NXPE2: variants seen among roughly 807,000 people sequenced by gnomAD.
The protein encoded by NXPE2 is neurexophilin and PC-esterase domain family member 2, also known as NXPE family member 2.
In NXPE2, 34 loss-of-function variants were observed where a neutral mutation model predicts 34.4. The ratio of observed to expected loss-of-function variants is 0.99; its 90% CI spans 0.75 to 1.31. The LOEUF is 1.31. NXPE2 is among the 40% of genes most tolerant of loss of function. The pLI is 0.00. For synonymous variants in NXPE2, 235 were observed against 231.3 expected, an observed-to-expected ratio of 1.02 and a Z score of -0.15; for missense variants, 649 against 672.5, an observed-to-expected ratio of 0.97 and a Z score of 0.39.
At chr11:114,777,577 A>G in the NXPE2 span, among the ~76,000 whole-genome samples, 1 of 152,136 alleles carries the variant, frequency 6.6e-6, no homozygotes, top group Admixed American at 6.5e-5. Flanking sequence ...AGGCATTTCC[A>G]TGAGTTGGAG....
the NXPE2 span, among the ~76,000 whole-genome samples, chr11:114,466,807 GCCTTT>G: frequency 7.2e-6 from 1 of 139,798 alleles, no homozygotes; most frequent in East Asian, 2.3e-4. Context: ...AATATTCCCA[GCCTTT>G]TCTTCTTATT....
chr11:114,549,506 A>G, the NXPE2 span, among the ~76,000 whole-genome samples: 1 of 152,082 alleles, frequency 6.6e-6, no homozygotes, highest in South Asian at 2.1e-4. Context: ...GATTATCTTC[A>G]TAAAAGCACA....
At chr11:114,767,860 G>A in the NXPE2 span, among the ~76,000 whole-genome samples, 2 of 152,136 alleles carry the variant, frequency 1.3e-5, no homozygotes, top group Non-Finnish European at 2.9e-5. Context: ...GTAGTGTAGT[G>A]GTTACAGCTT....
At chr11:114,764,316 A>C in the NXPE2 span, among the ~76,000 whole-genome samples, 2 of 152,178 alleles carry the variant, frequency 1.3e-5, no homozygotes, top group African/African-American at 2.4e-5. Flanking sequence ...TTTGGGCATG[A>C]TAGTAGTATT....
At chr11:114,576,584 A>T in the NXPE2 span, among the ~76,000 whole-genome samples, 1 of 152,152 alleles carries the variant, frequency 6.6e-6, no homozygotes, top group African/African-American at 2.4e-5. Flanking sequence ...TGGTGAACAA[A>T]CATATGGAAA....
chr11:114,580,051 T>C, the NXPE2 span: 1 of 1,198,358 alleles, frequency 8.3e-7, no homozygotes, highest in Middle Eastern at 2.0e-4. Flanking sequence ...AAAGAGGAAT[T>C]TCCCATATTC....
chr11:114,640,090 TATA>T, the NXPE2 span, among the ~76,000 whole-genome samples: 3 of 92,546 alleles, frequency 3.2e-5, no homozygotes, highest in Non-Finnish European at 6.4e-5. Context: ...TATAATGTAA[TATA>T]ATATATGATT....
chr11:114,628,520 A>T, the NXPE2 span, among the ~76,000 whole-genome samples: 1 of 151,916 alleles, frequency 6.6e-6, no homozygotes, highest in Admixed American at 6.6e-5. Flanking sequence ...CATTCAAAGC[A>T]GTGTGTAGAG....
the NXPE2 span, among the ~76,000 whole-genome samples, chr11:114,627,297 C>A: frequency 6.6e-6 from 1 of 152,076 alleles, no homozygotes; most frequent in Non-Finnish European, 1.5e-5. Flanking sequence ...CAAAGGGAAG[C>A]CCATCAGACT....
At chr11:114,623,123 G>A in the NXPE2 span, among the ~76,000 whole-genome samples, 10 of 151,932 alleles carry the variant, frequency 6.6e-5, no homozygotes, top group South Asian at 4.2e-4. Flanking sequence ...ACTGTTACCC[G>A]GTGGATAATA....
intron 5 of NXPE2, among the ~76,000 whole-genome samples, 185 bp downstream of exon 5, chr11:114,706,181 C>A (rs1246680287): frequency 6.6e-6 from 1 of 151,376 alleles, no homozygotes; most frequent in Non-Finnish European, 1.5e-5. Flanking sequence ...TTTTCATTCA[C>A]AAATGTTAAT....
At chr11:114,525,979 T>C in the NXPE2 span, among the ~76,000 whole-genome samples, 3 of 152,154 alleles carry the variant, frequency 2.0e-5, no homozygotes, top group African/African-American at 7.2e-5. Flanking sequence ...GGTATGGCCT[T>C]TGAGATGGAG....
chr11:114,660,468 A>G, the NXPE2 span, among the ~76,000 whole-genome samples: 2 of 152,040 alleles, frequency 1.3e-5, no homozygotes, highest in African/African-American at 4.8e-5. Context: ...TTGAAGATCA[A>G]TCAATCAAAG....
At chr11:114,562,348 A>C in the NXPE2 span, among the ~76,000 whole-genome samples, 25 of 152,210 alleles carry the variant, frequency 1.6e-4, no homozygotes, top group Non-Finnish European at 5.9e-5. Context: ...GGGATTATGC[A>C]CAGCACTGCT....
the NXPE2 span, among the ~76,000 whole-genome samples, chr11:114,499,610 A>G: frequency 6.6e-6 from 1 of 152,164 alleles, no homozygotes. Flanking sequence ...GTACAATTAG[A>G]TGAATTTTTT....
the NXPE2 span, among the ~76,000 whole-genome samples, chr11:114,668,729 T>C: frequency 2.6e-5 from 4 of 151,892 alleles, no homozygotes; most frequent in Non-Finnish European, 5.9e-5. Flanking sequence ...TAAGTTACTG[T>C]TAATCTTTAG....
chr11:114,739,339 CCCCCCTT>C, the NXPE2 span, among the ~76,000 whole-genome samples: 1 of 18,906 alleles, frequency 5.3e-5, no homozygotes, highest in Non-Finnish European at 1.3e-4. Flanking sequence ...TTCCTTCCTT[CCCCCCTT>C]CCTCTCTCCC....
rs1214761056 is a variant in NXPE2 at position 114,698,089 on chromosome 11, C to T, written c.177C>T (p.Asn59=). The change falls in exon 3 of 6, where the codon AAC becomes AAT. Residue 59 remains asparagine (N), a synonymous_variant. Coordinates refer to ENST00000389586, the MANE Select transcript of NXPE2 (RefSeq NM_182495.6). ...LENHIILNQG[N]IFKKYSHSET... is the part of the protein sequence containing the mutation. ...ACCATATTATCCTGAACCAAGGGAA[C>T]ATCTTCAAAAAATATTCACACTCTG... 2 of 1,600,586 alleles carry T rather than the reference C, an allele frequency of 1.2e-6. No individual in the cohort carries two copies. Among genetic ancestry groups the T allele is most frequent in the Admixed American group, 3.4e-5 (2 of 58,114 alleles).
the NXPE2 span, among the ~76,000 whole-genome samples, chr11:114,622,737 C>A: frequency 6.6e-6 from 1 of 151,272 alleles, no homozygotes; most frequent in East Asian, 2.0e-4. Flanking sequence ...CGTGTGTAAC[C>A]ACTGTTACCC....
Sources: allele counts gnomAD v4.1 joint callset (sites outside exome capture counted in the v4.1 genomes callset), GRCh38; gene constraint gnomAD v4.1.1; transcripts MANE v1.5; gene names NCBI Gene and HGNC (gene_info 2026-07-23, HGNC 2026-07-21).